The following POU6F2 variants were observed in gnomAD, a reference collection of about 807,000 sequenced individuals.
POU6F2 encodes POU domain, class 6, transcription factor 2.
In POU6F2, 31 loss-of-function variants were observed where a neutral mutation model predicts 71.3. The observed-to-expected ratio is 0.43, with a 90% confidence interval of 0.33 to 0.59. The LOEUF (loss-of-function observed/expected upper bound fraction) is 0.59, where lower values mean the gene tolerates loss of function less well. POU6F2 is among the 20% of genes least tolerant of loss of function. The pLI, the probability that POU6F2 is intolerant of heterozygous loss-of-function variation, is 0.04. For missense variants in POU6F2, 783 were observed against 856.8 expected, an observed-to-expected ratio of 0.91 and a Z score of 1.07; for synonymous variants, 347 against 355.7, an observed-to-expected ratio of 0.98 and a Z score of 0.27.
In POU6F2 at chr7:39,306,596, A is replaced by G. The variant is rs1785052464; in HGVS notation, c.599-33046A>G. On this transcript the variant is annotated intron_variant, in intron 4 of 9. Transcript: ENST00000518318. ...TAGAATGTATTAACCACACTCTGTC[A>G]TCATTGTAATTATTGCCTTCGAGTT... 2.6e-5 allele frequency among the ~76,000 whole-genome samples: 4 copies of G among 152,172 alleles called. 1 individual carries two copies. Among genetic ancestry groups the G allele is most frequent in the South Asian group, 4.1e-4 (2 of 4,824 alleles).
At chr7:39,431,866 T>A (rs750864203) in intron 6 of POU6F2, among the ~76,000 whole-genome samples, 1 of 152,214 alleles carries the variant, frequency 6.6e-6, no homozygotes, top group South Asian at 2.1e-4. Context: ...TGTGTCCTGG[T>A]GGCCCCCAGG....
At chr7:39,020,017 A>G (rs777557015) in intron 1 of POU6F2, among the ~76,000 whole-genome samples, 3 of 152,166 alleles carry the variant, frequency 2.0e-5, no homozygotes, top group Non-Finnish European at 4.4e-5. Context: ...TGCAGCCATC[A>G]TGGATTTCCT....
chr7:39,111,103 C>T (rs996749513), intron 2 of POU6F2, among the ~76,000 whole-genome samples: 1 of 151,382 alleles, frequency 6.6e-6, no homozygotes, highest in Non-Finnish European at 1.5e-5. Flanking sequence ...TACTTTTGTC[C>T]CCAGGAGGCT....
intron 1 of POU6F2, among the ~76,000 whole-genome samples, chr7:38,990,053 C>T (rs1342060397): frequency 6.6e-6 from 1 of 151,934 alleles, no homozygotes; most frequent in East Asian, 1.9e-4. Flanking sequence ...AATCAAATTC[C>T]ACTTATTTGC....
chr7:39,226,069 G>T (rs1269844418), intron 4 of POU6F2, among the ~76,000 whole-genome samples: 5 of 151,966 alleles, frequency 3.3e-5, no homozygotes, highest in Non-Finnish European at 5.9e-5. Context: ...GCAATCTGTA[G>T]TCAGGCATTT....
intron 2 of POU6F2, among the ~76,000 whole-genome samples, chr7:39,149,717 CTG>C (rs1397926080): frequency 6.6e-6 from 1 of 152,094 alleles, no homozygotes; most frequent in Non-Finnish European, 1.5e-5. Flanking sequence ...GTTTCATTCT[CTG>C]TGTATTTGAG....
At chr7:38,996,035 CTTTT>C (rs5883669) in intron 1 of POU6F2, among the ~76,000 whole-genome samples, 1 of 85,386 alleles carries the variant, frequency 1.2e-5, no homozygotes, top group Non-Finnish European at 2.2e-5. Context: ...AGGGGCTTGG[CTTTT>C]TTTTTTTTTT....
At position 39,257,954 on chromosome 7, in the gene POU6F2, A is replaced by G. The variant is rs1197736216; in HGVS notation, c.598+50334A>G. Among the ~76,000 whole-genome samples the G allele has an allele frequency of 2.0e-5, 3 of 152,224 alleles. No individual in the cohort carries two copies. The East Asian group carries it at 5.8e-4, about 29-fold the overall frequency. On this transcript the variant is annotated intron_variant, in intron 4 of 9. Coordinates refer to ENST00000518318, the MANE Select transcript of POU6F2 (RefSeq NM_001370959.1). Reference sequence around the variant, plus strand: ...AGAGGGAACATAAAATTCTTAAAAGAAAGTACCAGTGCTTAATACTATTTA... The same window carrying G: ...AGAGGGAACATAAAATTCTTAAAAGGAAGTACCAGTGCTTAATACTATTTA...
At chr7:39,416,336 A>G (rs1222514257) in intron 6 of POU6F2, among the ~76,000 whole-genome samples, 1 of 152,192 alleles carries the variant, frequency 6.6e-6, no homozygotes, top group Non-Finnish European at 1.5e-5. Flanking sequence ...TAAGGTGTCC[A>G]TAGGTGTCCT....
At chr7:39,458,909 T>C (rs1788875272) in intron 8 of POU6F2, among the ~76,000 whole-genome samples, 1 of 152,130 alleles carries the variant, frequency 6.6e-6, no homozygotes, top group African/African-American at 2.4e-5. Context: ...CTCTGAAAAC[T>C]GCCCATTGGG....
chr7:39,367,002 A>G (rs1306206151), intron 5 of POU6F2, among the ~76,000 whole-genome samples: 4 of 152,008 alleles, frequency 2.6e-5, no homozygotes, highest in African/African-American at 9.7e-5. Context: ...AGGAATACAA[A>G]AAGTTTTGGG....
At chr7:39,463,510 G>C (rs761360921) in intron 9 of POU6F2, among the ~76,000 whole-genome samples, 21 of 152,124 alleles carry the variant, frequency 1.4e-4, no homozygotes, top group Non-Finnish European at 2.4e-4. Flanking sequence ...AGCCAGAACA[G>C]GAAAGTAGCA....
At chr7:39,228,980 A>AT (rs1794522821) in intron 4 of POU6F2, among the ~76,000 whole-genome samples, 1 of 152,064 alleles carries the variant, frequency 6.6e-6, no homozygotes, top group Non-Finnish European at 1.5e-5. Flanking sequence ...TCCTGGCCCC[A>AT]TTTTTTCCTC....
chr7:39,159,462 G>A (rs535374780), intron 2 of POU6F2, among the ~76,000 whole-genome samples: 14 of 152,274 alleles, frequency 9.2e-5, no homozygotes, highest in Non-Finnish European at 1.6e-4. Flanking sequence ...ATTGTCCAAA[G>A]ACTTACACTT....
At chr7:39,216,569 G>C (rs1402654847) in intron 4 of POU6F2, among the ~76,000 whole-genome samples, 1 of 152,128 alleles carries the variant, frequency 6.6e-6, no homozygotes, top group Admixed American at 6.5e-5. Flanking sequence ...GGGGGCTGAT[G>C]CAACTGTTCT....
chr7:39,315,933 G>T (rs570014316), intron 4 of POU6F2, among the ~76,000 whole-genome samples: 104 of 152,196 alleles, frequency 6.8e-4, no homozygotes, highest in African/African-American at 2.4e-3. Context: ...TTTTCTTTTT[G>T]ATATACTTCT....
At chr7:39,135,696 T>C (rs915876353) in intron 2 of POU6F2, among the ~76,000 whole-genome samples, 3 of 152,180 alleles carry the variant, frequency 2.0e-5, no homozygotes, top group Non-Finnish European at 2.9e-5. Flanking sequence ...TCACATTTCA[T>C]TGTGAAGGTA....
chr7:38,997,933 G>A lies in POU6F2; in HGVS notation c.105+19875G>A, dbSNP rs371009037. ...AAAGAGATTAACTGATTTGTTCAAA[G>A]GCAGTGGCCAAACCTGGAAGAGTCC... On this transcript the variant is annotated intron_variant, in intron 1 of 9. Coordinates refer to ENST00000518318, the MANE Select transcript of POU6F2 (RefSeq NM_001370959.1). Among the ~76,000 whole-genome samples the A allele has an allele frequency of 5.3e-5, 8 of 152,284 alleles. No individual in the cohort carries two copies. In the East Asian group the frequency reaches 1.5e-3, roughly 29 times the overall value.
chr7:39,224,163 C>T (rs560076753), intron 4 of POU6F2, among the ~76,000 whole-genome samples: 2 of 152,234 alleles, frequency 1.3e-5, no homozygotes, highest in Admixed American at 1.3e-4. Flanking sequence ...AAAAGCCCCT[C>T]AAAATCATAA....
Sources: allele counts gnomAD v4.1 joint callset (sites outside exome capture counted in the v4.1 genomes callset), GRCh38; gene constraint gnomAD v4.1.1; transcripts MANE v1.5; gene names NCBI Gene and HGNC (gene_info 2026-07-23, HGNC 2026-07-21).